Variants in ROBO1 observed in about 807,000 individuals in gnomAD.
ROBO1 encodes the protein roundabout guidance receptor 1, also known as roundabout homolog 1.
A neutral mutation model predicts 195.9 loss-of-function variants in ROBO1; 149 were observed. The ratio of observed to expected loss-of-function variants is 0.76; its 90% CI spans 0.67 to 0.87. The LOEUF (loss-of-function observed/expected upper bound fraction) is 0.87, where lower values mean the gene tolerates loss of function less well. ROBO1 is among the 40% of genes least tolerant of loss of function. The probability of loss-of-function intolerance (pLI) is 0.00; values close to 1 mark genes in which losing one functional copy is unlikely to be tolerated. For synonymous variants in ROBO1, 816 were observed against 733.2 expected (o/e 1.11, Z -1.82); for missense variants, 1,933 against 2,068.3 (o/e 0.93, Z 1.27).
chr3:78,931,450 T>C (rs957672720), intron 4 of ROBO1, among the ~76,000 whole-genome samples: 8 of 151,874 alleles, frequency 5.3e-5, no homozygotes, highest in African/African-American at 1.9e-4. Flanking sequence ...TTCTCCATGA[T>C]GGTCAGGCTG....
intron 4 of ROBO1, among the ~76,000 whole-genome samples, chr3:78,858,670 A>G (rs2034603098): frequency 6.6e-6 from 1 of 151,806 alleles, no homozygotes; most frequent in Non-Finnish European, 1.5e-5. Context: ...GGATTGCTTG[A>G]GAACGGGAGG....
At chr3:79,568,644 T>C (rs1943170659) in intron 2 of ROBO1, among the ~76,000 whole-genome samples, 1 of 152,100 alleles carries the variant, frequency 6.6e-6, no homozygotes. Context: ...CATGCTTGTC[T>C]GTCCTTTGTT....
chr3:79,537,129 A>G (rs1941901854), intron 2 of ROBO1, among the ~76,000 whole-genome samples: 1 of 149,220 alleles, frequency 6.7e-6, no homozygotes, highest in Non-Finnish European at 1.5e-5. Context: ...TTTTTGACTC[A>G]ACACTTTTAT....
At chr3:79,148,926 T>A (rs1374268891) in intron 2 of ROBO1, among the ~76,000 whole-genome samples, 1 of 151,910 alleles carries the variant, frequency 6.6e-6, no homozygotes, top group Non-Finnish European at 1.5e-5. Context: ...AAATCTAAGA[T>A]GTGTTCAGGC....
At chr3:79,505,565 C>T (rs1940346203) in intron 2 of ROBO1, among the ~76,000 whole-genome samples, 1 of 152,096 alleles carries the variant, frequency 6.6e-6, no homozygotes, top group Non-Finnish European at 1.5e-5. Context: ...CATCTGAAAA[C>T]CAATGATTTG....
intron 4 of ROBO1, among the ~76,000 whole-genome samples, chr3:78,831,964 C>A (rs1317680048): frequency 1.3e-5 from 2 of 152,018 alleles, no homozygotes; most frequent in African/African-American, 4.8e-5. Flanking sequence ...ATTATGGGAG[C>A]TACAATTCAA....
At chr3:78,945,269 C>A (rs549230540) in intron 3 of ROBO1, among the ~76,000 whole-genome samples, 1 of 152,166 alleles carries the variant, frequency 6.6e-6, no homozygotes, top group Admixed American at 6.5e-5. Flanking sequence ...AGGCACCCCC[C>A]AGTAGGGGCG....
At chr3:79,319,739 T>C (rs770129740) in intron 2 of ROBO1, among the ~76,000 whole-genome samples, 2 of 152,198 alleles carry the variant, frequency 1.3e-5, no homozygotes, top group Non-Finnish European at 2.9e-5. Context: ...TATCCTGTTC[T>C]GTTATTGTAA....
chr3:79,662,131 A>T (rs973129414), intron 1 of ROBO1, among the ~76,000 whole-genome samples: 1 of 152,028 alleles, frequency 6.6e-6, no homozygotes, highest in Non-Finnish European at 1.5e-5. Context: ...TATTACACAC[A>T]CTTACAGATG....
At chr3:78,802,718 A>G (rs1238180721) in intron 4 of ROBO1, among the ~76,000 whole-genome samples, 1 of 151,540 alleles carries the variant, frequency 6.6e-6, no homozygotes, top group African/African-American at 2.4e-5. Context: ...CATCATCATC[A>G]TCATCATCAT....
At chr3:78,670,486 G>A in intron 10 of ROBO1, 185 bp from the exon 11 acceptor site, 1 of 584,990 alleles carries the variant, frequency 1.7e-6, no homozygotes, top group Non-Finnish European at 3.0e-6. Flanking sequence ...ACTAAAATGA[G>A]ACACAATGTG....
intron 2 of ROBO1, among the ~76,000 whole-genome samples, chr3:79,523,141 A>C (rs1299460730): frequency 6.7e-6 from 1 of 148,926 alleles, no homozygotes; most frequent in Non-Finnish European, 1.5e-5. Context: ...CAGTTCCACC[A>C]TTGTAAGAGG....
At chr3:78,725,228 A>G (rs992216884) in intron 5 of ROBO1, among the ~76,000 whole-genome samples, 9 of 152,190 alleles carry the variant, frequency 5.9e-5, no homozygotes, top group African/African-American at 2.2e-4. Flanking sequence ...AACATACTTG[A>G]TGAAAGCAAA....
At chr3:78,962,451 T>C (rs2041401586) in intron 3 of ROBO1, among the ~76,000 whole-genome samples, 1 of 151,804 alleles carries the variant, frequency 6.6e-6, no homozygotes, top group Non-Finnish European at 1.5e-5. Context: ...GAGCTGAGAG[T>C]CAAACTTAAA....
intron 2 of ROBO1, among the ~76,000 whole-genome samples, chr3:79,506,212 C>T (rs553697203): frequency 1.3e-5 from 2 of 151,980 alleles, no homozygotes; most frequent in South Asian, 2.1e-4. Flanking sequence ...AAAAGCCTTT[C>T]GTAGCAGTGA....
chr3:78,864,366 T>C (rs925321643), intron 4 of ROBO1, among the ~76,000 whole-genome samples: 1 of 152,194 alleles, frequency 6.6e-6, no homozygotes, highest in Non-Finnish European at 1.5e-5. Context: ...TATAAATTGA[T>C]ATAGCATATC....
intron 1 of ROBO1, among the ~76,000 whole-genome samples, chr3:79,750,946 A>G (rs1576317888): frequency 6.6e-6 from 1 of 152,338 alleles, no homozygotes; most frequent in East Asian, 1.9e-4. Flanking sequence ...TAAACAAACC[A>G]TTAATTTTTT....
intron 3 of ROBO1, among the ~76,000 whole-genome samples, chr3:79,106,672 G>A (rs934065913): frequency 4.6e-5 from 7 of 151,428 alleles, no homozygotes; most frequent in African/African-American, 1.7e-4. Flanking sequence ...GTTAACACGA[G>A]TGTGAATGAC....
chr3:78,995,773 A>C (rs1285014155), intron 3 of ROBO1, among the ~76,000 whole-genome samples: 1 of 151,642 alleles, frequency 6.6e-6, no homozygotes, highest in Non-Finnish European at 1.5e-5. Flanking sequence ...CTCCAAAAAA[A>C]AAAAAAGAAA....
Sources: gnomAD v4.1 joint callset for allele counts (sites outside exome capture counted in the v4.1 genomes callset) on GRCh38, gnomAD v4.1.1 for gene constraint, MANE v1.5 for transcripts, NCBI Gene and HGNC (gene_info 2026-07-23, HGNC 2026-07-21) for gene names.